Variants in HIF3A observed in about 807,000 individuals in gnomAD.
The protein encoded by HIF3A is hypoxia-inducible factor 3-alpha.
A neutral mutation model predicts 67.2 loss-of-function variants in HIF3A; 41 were observed. The ratio of observed to expected loss-of-function variants is 0.61; its 90% CI spans 0.48 to 0.79. The LOEUF (loss-of-function observed/expected upper bound fraction) is 0.79. Among genes scored for constraint, HIF3A ranks in the 30% least tolerant of loss-of-function variants. HIF3A has a pLI of 0.00. For missense variants in HIF3A, 855 were observed against 898.0 expected (o/e 0.95, Z 0.61); for synonymous variants, 356 against 374.8 (o/e 0.95, Z 0.58).
At chr19:46,309,934 G>A (rs1201555317) in intron 6 of HIF3A, among the ~76,000 whole-genome samples, 1 of 151,772 alleles carries the variant, frequency 6.6e-6, no homozygotes, top group East Asian at 1.9e-4. Flanking sequence ...AAAAAAATTA[G>A]CCAAGTGGGG....
chr19:46,319,208 A>G (rs1285194340), intron 8 of HIF3A, among the ~76,000 whole-genome samples: 1 of 152,114 alleles, frequency 6.6e-6, no homozygotes, highest in Admixed American at 6.5e-5. Flanking sequence ...GAGTGTGTAT[A>G]CAAGTTCGAT....
At chr19:46,313,793 C>CT (rs1189236637) in intron 8 of HIF3A, among the ~76,000 whole-genome samples, 1 of 151,112 alleles carries the variant, frequency 6.6e-6, no homozygotes, top group Non-Finnish European at 1.5e-5. Flanking sequence ...AGCCTCCCGA[C>CT]TAGCTGGGAT....
chr19:46,330,366 C>T (rs77431962), intron 12 of HIF3A, among the ~76,000 whole-genome samples: 4,280 of 151,824 alleles, frequency 0.028, 200 homozygotes, highest in African/African-American at 0.097. Flanking sequence ...TATGTCTGGA[C>T]GGATGGATGG....
intron 6 of HIF3A, chr19:46,311,939 A>G (rs1253331851): frequency 1.3e-6 from 1 of 742,122 alleles, no homozygotes; most frequent in Non-Finnish European, 2.5e-6. Context: ...GTAAGAGACC[A>G]TATCTACAGA....
chr19:46,329,130 G>T (rs1313299974), intron 11 of HIF3A, 77 bp from the exon 12 acceptor site: 16 of 1,382,804 alleles, frequency 1.2e-5, no homozygotes, highest in Non-Finnish European at 1.6e-5. Context: ...GAACTCAGAA[G>T]TGATGGTGCT....
intron 8 of HIF3A, among the ~76,000 whole-genome samples, chr19:46,315,748 C>T (rs1969865205): frequency 6.7e-6 from 1 of 149,402 alleles, no homozygotes; most frequent in Non-Finnish European, 1.5e-5. Flanking sequence ...ACACCGTCTC[C>T]ACTGAAAATA....
chr19:46,304,428 C>G (rs1426422213), intron 2 of HIF3A, among the ~76,000 whole-genome samples: 1 of 152,136 alleles, frequency 6.6e-6, no homozygotes, highest in African/African-American at 2.4e-5. Context: ...GGAGACTCTC[C>G]CAGATGGATA....
At chr19:46,301,598 G>A (rs1968336158) in intron 1 of HIF3A, among the ~76,000 whole-genome samples, 1 of 152,108 alleles carries the variant, frequency 6.6e-6, no homozygotes, top group Non-Finnish European at 1.5e-5. Flanking sequence ...GGCTGAGGTG[G>A]GCAGATCACT....
chr19:46,315,481 A>C lies in HIF3A; in HGVS notation c.1025+2828A>C, dbSNP rs115554747. Among the ~76,000 whole-genome samples, 849 of 149,490 alleles carry C rather than the reference A, an allele frequency of 5.7e-3. 31 individuals are homozygous for C. Among genetic ancestry groups the C allele is most frequent in the Middle Eastern group, 0.017 (5 of 286 alleles). ...AGTTGGAAGACGCTGGGCTGTTTCC[A>C]AGTTTGGGTGATTAGAAAAAAACAG... On this transcript the variant is annotated intron_variant, in intron 8 of 14. Transcript: ENST00000377670.
At chr19:46,304,303 C>A in intron 2 of HIF3A, 4 of 586,266 alleles carry the variant, frequency 6.8e-6, no homozygotes, top group Non-Finnish European at 9.1e-6. Flanking sequence ...GTCCCGCCCC[C>A]CTCGAAGTCT....
chr19:46,330,624 T>G (rs1179079480), intron 12 of HIF3A, among the ~76,000 whole-genome samples: 2 of 149,176 alleles, frequency 1.3e-5, no homozygotes, highest in Non-Finnish European at 3.0e-5. Context: ...GGATGGTGGA[T>G]GGATGGATGG....
chr19:46,312,152 C>T lies in HIF3A; in HGVS notation c.771-9C>T, dbSNP rs772020306. 2 of 1,612,400 alleles carry T rather than the reference C, an allele frequency of 1.2e-6. No individual in the cohort carries two copies. The highest frequency in any genetic ancestry group is 8.5e-7 in the Non-Finnish European group (1 of 1,178,434). On this transcript the variant is annotated splice_polypyrimidine_tract_variant and intron_variant, in intron 6 of 14. Coordinates refer to ENST00000377670, the MANE Select transcript of HIF3A (RefSeq NM_152795.4). ...ATCCTGACCAGACCCCACTCCGCCC[C>T]ACCCCCAGGATTGCAGAAGTGGCTG...
intron 8 of HIF3A, chr19:46,313,115 G>A (rs1272472412): frequency 1.7e-6 from 1 of 581,530 alleles, no homozygotes; most frequent in Non-Finnish European, 2.2e-6. Flanking sequence ...GCCGGGTGTG[G>A]TGACACATGC....
At chr19:46,333,302 C>G (rs1457613560) in intron 13 of HIF3A, among the ~76,000 whole-genome samples, 1 of 152,062 alleles carries the variant, frequency 6.6e-6, no homozygotes, top group Non-Finnish European at 1.5e-5. Flanking sequence ...AAGGTGTTAA[C>G]ATAGTGTAGG....
intron 8 of HIF3A, chr19:46,312,911 T>TTTTTTTC: frequency 1.5e-6 from 1 of 680,596 alleles, no homozygotes; most frequent in Non-Finnish European, 1.8e-6. Flanking sequence ...TTTTTTTTTT[T>TTTTTTTC]GCGTGAACCT....
chr19:46,339,491 CCTTTCATTTATCATTTAT>C lies in HIF3A; in HGVS notation c.1913-26_1913-9del. 2 of 1,378,644 alleles carry C rather than the reference CCTTTCATTTATCATTTAT, an allele frequency of 1.5e-6. No individual in the cohort carries two copies. The highest frequency in any genetic ancestry group is 2.0e-6 in the Non-Finnish European group (2 of 1,002,566). The allele number at this position is 1,378,644 out of a possible 1,614,324, so 85.4% of individuals were successfully genotyped here. Reference sequence around the variant, plus strand: ...CCTGTGATTTATCTTTCGTCTTTTACCTTTCATTTATCATTTATCTTTCATCTTTGCAGGCCTGGGCCC... The same window carrying C: ...CCTGTGATTTATCTTTCGTCTTTTACCTTTCATCTTTGCAGGCCTGGGCCC... On this transcript the variant is annotated splice_polypyrimidine_tract_variant and intron_variant, in intron 14 of 14. Transcript: ENST00000377670.
intron 1 of HIF3A, among the ~76,000 whole-genome samples, chr19:46,302,374 C>G (rs546107909): frequency 6.6e-6 from 1 of 152,106 alleles, no homozygotes; most frequent in African/African-American, 2.4e-5. Context: ...TCGTGATCCG[C>G]CCGCCTCGGC....
rs531816670 is a variant in HIF3A at position 46,312,882 on chromosome 19, A to AT, written c.1025+258dup. The AT allele has an allele frequency of 4.3e-3, 3,795 of 876,306 alleles. 139 individuals are homozygous for AT. Among genetic ancestry groups the AT allele is most frequent in the African/African-American group, 0.038 (1,338 of 35,464 alleles). 54.3% of individuals were successfully genotyped at this position (876,306 alleles called of 1,614,324 possible). On this transcript the variant is annotated intron_variant, in intron 8 of 14. Coordinates refer to ENST00000377670, the MANE Select transcript of HIF3A (RefSeq NM_152795.4). ...ATGTGTATGGGTGTGTAGACTGTTA[A>AT]TTTTTTTTTTTTTTTTTTTTTTTTT...
chr19:46,303,096 T>C (rs1968483578), intron 1 of HIF3A, among the ~76,000 whole-genome samples: 1 of 152,192 alleles, frequency 6.6e-6, no homozygotes, highest in Admixed American at 6.5e-5. Flanking sequence ...GGTGTCCTCA[T>C]CTGTTCAATG....
Sources: allele counts gnomAD v4.1 joint callset (sites outside exome capture counted in the v4.1 genomes callset), GRCh38; gene constraint gnomAD v4.1.1; transcripts MANE v1.5; gene names NCBI Gene and HGNC (gene_info 2026-07-23, HGNC 2026-07-21).